ZNF860: variants seen among roughly 807,000 people sequenced by gnomAD.
ZNF860 encodes zinc finger protein 860.
For synonymous variants in ZNF860, 206 were observed against 248.9 expected (o/e 0.83, Z 1.62); for missense variants, 641 against 759.2 (o/e 0.84, Z 1.83).
chr3:31,985,382 C>T (rs1335877799), intron 1 of ZNF860, among the ~76,000 whole-genome samples: 1 of 152,182 alleles, frequency 6.6e-6, no homozygotes, highest in Non-Finnish European at 1.5e-5. Flanking sequence ...ACAGCCATCA[C>T]AGACCATGTA....
downstream of ZNF860, among the ~76,000 whole-genome samples, chr3:31,993,603 A>G (rs1699058003): frequency 6.6e-6 from 1 of 152,174 alleles, no homozygotes; most frequent in South Asian, 2.1e-4. Flanking sequence ...GATGTTCAAC[A>G]TTACTAGTCA....
At chr3:31,986,665 T>C (rs1219939518) in intron 1 of ZNF860, among the ~76,000 whole-genome samples, 1 of 152,180 alleles carries the variant, frequency 6.6e-6, no homozygotes, top group Admixed American at 6.5e-5. Context: ...TATTTATTAT[T>C]ATTTTATTAA....
rs771366434 is a variant in ZNF860, at chr3:31,990,645, A to C, written c.1566A>C (p.Gln522His). 3 of 1,614,024 alleles carry C rather than the reference A, an allele frequency of 1.9e-6. No individual in the cohort carries two copies. The highest frequency in any genetic ancestry group is 2.5e-6 in the Non-Finnish European group (3 of 1,180,024). Residue 522 changes from glutamine (Q) to histidine (H), a missense_variant, in exon 2 of 2, where the codon CAA becomes CAC. Physicochemically the swap from Gln to His is conservative, Grantham distance 24 (BLOSUM62 0). Transcript: ENST00000360311. ...AATGTGGCAAGGTTTTTAATCAACA[A>C]GCAACCCTTGCACGTCATCATAGAC... ...CNECGKVFNQQATLARHHRLH... is the reference protein window; with the variant it reads ...CNECGKVFNQHATLARHHRLH...
downstream of ZNF860, among the ~76,000 whole-genome samples, chr3:31,995,566 AAC>A (rs1337168348): frequency 6.6e-6 from 1 of 152,166 alleles, no homozygotes; most frequent in East Asian, 1.9e-4. Flanking sequence ...ATATTGTTCA[AAC>A]ACACATGTTT....
At chr3:31,998,827 G>C in the ZNF860 span, among the ~76,000 whole-genome samples, 2 of 152,194 alleles carry the variant, frequency 1.3e-5, no homozygotes, top group South Asian at 4.2e-4. Flanking sequence ...TGGTAGATCT[G>C]CACCATTAAT....
At chr3:31,982,747 A>T (rs1698875579) in intron 1 of ZNF860, among the ~76,000 whole-genome samples, 1 of 152,216 alleles carries the variant, frequency 6.6e-6, no homozygotes, top group African/African-American at 2.4e-5. Flanking sequence ...TACCTCTTTT[A>T]GCCTTAGTTT....
Position 31,989,996 on chromosome 3 carries a change from G to C in ZNF860, c.917G>C (p.Arg306Thr). 6.2e-7 allele frequency: 1 copy of C among 1,614,120 alleles called. No homozygotes were observed. The highest frequency in any genetic ancestry group is 8.5e-7 in the Non-Finnish European group (1 of 1,179,990). ...CAATCAAACCTTGCAAGTCATCATAGACTTCATACTGGAGAGAAACCTTAC... is the reference window on the plus strand; with the variant it reads ...CAATCAAACCTTGCAAGTCATCATACACTTCATACTGGAGAGAAACCTTAC... ...NQQSNLASHH[R>T]LHTGEKPYKC... is the part of the protein sequence containing the mutation. The change falls in exon 2 of 2, where the codon AGA (arginine) becomes ACA (threonine). Residue 306 changes from arginine (R) to threonine (T), a missense_variant. Coordinates refer to ENST00000360311, the MANE Select transcript of ZNF860 (RefSeq NM_001137674.3).
the ZNF860 span, among the ~76,000 whole-genome samples, chr3:31,998,688 A>G: frequency 6.6e-6 from 1 of 152,134 alleles, no homozygotes; most frequent in African/African-American, 2.4e-5. Flanking sequence ...TTGGCTATCC[A>G]TCAATTCTGC....
intron 1 of ZNF860, among the ~76,000 whole-genome samples, chr3:31,983,481 G>T (rs1374413791): frequency 2.0e-5 from 3 of 152,214 alleles, no homozygotes; most frequent in Non-Finnish European, 4.4e-5. Context: ...CAGTTCAAGT[G>T]GGGAAGGAAC....
the ZNF860 span, among the ~76,000 whole-genome samples, chr3:32,002,524 GATT>G: frequency 6.6e-6 from 1 of 152,168 alleles, no homozygotes; most frequent in Non-Finnish European, 1.5e-5. Flanking sequence ...GAAGCAATAA[GATT>G]ATTATCCATA....
At chr3:31,987,194 T>C (rs1378503836) in intron 1 of ZNF860, among the ~76,000 whole-genome samples, 1 of 152,192 alleles carries the variant, frequency 6.6e-6, no homozygotes, top group African/African-American at 2.4e-5. Flanking sequence ...TTGTATATCA[T>C]TTTATTCAAA....
chr3:31,993,324 C>G (rs980474799), downstream of ZNF860, among the ~76,000 whole-genome samples: 3 of 152,012 alleles, frequency 2.0e-5, no homozygotes, highest in African/African-American at 7.2e-5. Context: ...CTTCTCCTGC[C>G]TCAGCCTCCC....
At position 31,989,676 on chromosome 3, in the gene ZNF860, CA is replaced by C; in HGVS notation, c.601del (p.Ile201SerfsTer19). On this transcript the variant is annotated frameshift_variant, in exon 2 of 2. Coordinates refer to ENST00000360311, the MANE Select transcript of ZNF860 (RefSeq NM_001137674.3). LOFTEE classifies it low-confidence loss of function (END_TRUNC). ...LTSQRISSRP[K>X]IHISNNYENN... ...CGTCCCAAAGAATTTCTTCTAGGCC[CA>C]AAATCCATATTTCTAATAACTATGA... is the stretch of plus-strand genomic sequence containing the variant. The C allele has an allele frequency of 6.2e-7, 1 of 1,614,030 alleles. No individual in the cohort carries two copies. Among genetic ancestry groups the C allele is most frequent in the Non-Finnish European group, 8.5e-7 (1 of 1,179,990 alleles).
chr3:31,996,974 A>C, the ZNF860 span, among the ~76,000 whole-genome samples: 1 of 152,160 alleles, frequency 6.6e-6, no homozygotes, highest in Non-Finnish European at 1.5e-5. Flanking sequence ...AGCCAGAGGA[A>C]AGGAAATTAT....
At chr3:31,987,607 G>A (rs1360029410) in intron 1 of ZNF860, among the ~76,000 whole-genome samples, 1 of 152,178 alleles carries the variant, frequency 6.6e-6, no homozygotes, top group Non-Finnish European at 1.5e-5. Context: ...GGCCATGTTT[G>A]AGCTGGGCTC....
intron 1 of ZNF860, among the ~76,000 whole-genome samples, chr3:31,985,876 T>A (rs1698926789): frequency 6.6e-6 from 1 of 152,236 alleles, no homozygotes; most frequent in African/African-American, 2.4e-5. Flanking sequence ...CATGAGGAGA[T>A]CTACAGTTCT....
intron 1 of ZNF860, among the ~76,000 whole-genome samples, chr3:31,984,937 A>G (rs904375344): frequency 3.3e-5 from 5 of 152,198 alleles, no homozygotes; most frequent in African/African-American, 1.2e-4. Flanking sequence ...CACTTTCGGT[A>G]TGATTAAAAA....
At chr3:32,004,492 G>C in the ZNF860 span, among the ~76,000 whole-genome samples, 1 of 152,148 alleles carries the variant, frequency 6.6e-6, no homozygotes. Flanking sequence ...AGAACACAGG[G>C]ACAAAAAACA....
chr3:32,001,416 C>T, the ZNF860 span, among the ~76,000 whole-genome samples: 7 of 152,110 alleles, frequency 4.6e-5, no homozygotes, highest in Admixed American at 2.6e-4. Flanking sequence ...GTACAATAAG[C>T]ATTTTACATC....
Sources: gnomAD v4.1 joint callset for allele counts (sites outside exome capture counted in the v4.1 genomes callset) on GRCh38, gnomAD v4.1.1 for gene constraint, MANE v1.5 for transcripts, NCBI Gene and HGNC (gene_info 2026-07-23, HGNC 2026-07-21) for gene names.